PRKN: variants seen among roughly 807,000 people sequenced by gnomAD.
PRKN encodes parkin RBR E3 ubiquitin protein ligase, also known as E3 ubiquitin-protein ligase parkin.
Under a neutral mutation model 59.5 loss-of-function variants are expected in PRKN, and 56 were observed. That is an observed-to-expected ratio of 0.94 (90% confidence interval 0.76 to 1.18). The LOEUF is 1.18. PRKN is among the 50% of genes most tolerant of loss of function. PRKN has a pLI of 0.00. For synonymous variants in PRKN, 250 were observed against 222.1 expected, an observed-to-expected ratio of 1.13 and a Z score of -1.12; for missense variants, 657 against 596.4, an observed-to-expected ratio of 1.10 and a Z score of -1.06.
At chr6:161,937,256 A>G (rs949278646) in intron 6 of PRKN, among the ~76,000 whole-genome samples, 1 of 152,236 alleles carries the variant, frequency 6.6e-6, no homozygotes, top group Non-Finnish European at 1.5e-5. Context: ...GATTATGTTG[A>G]GAAATAAAGT....
At chr6:161,874,633 AATAT>A (rs1262249934) in intron 6 of PRKN, among the ~76,000 whole-genome samples, 1 of 19,296 alleles carries the variant, frequency 5.2e-5, no homozygotes, top group African/African-American at 2.3e-4. Context: ...GTAATATATA[AATAT>A]ATATTACATA....
At position 161,744,484 on chromosome 6, in the gene PRKN, A is replaced by G. The variant is rs2128192468; in HGVS notation, c.871+41288T>C. On this transcript the variant is annotated intron_variant, in intron 7 of 11. Transcript: ENST00000366898. Reference sequence around the variant, plus strand: ...CTCCTGCTGTGCGGGCTGGTTCCCAACAGGCCATGAACCAGCACCGGTTGC... The same window carrying G: ...CTCCTGCTGTGCGGGCTGGTTCCCAGCAGGCCATGAACCAGCACCGGTTGC... Among the ~76,000 whole-genome samples the G allele has an allele frequency of 2.0e-5, 3 of 152,252 alleles. 1 individual carries two copies. In the East Asian group the frequency reaches 5.8e-4, roughly 29 times the overall value.
chr6:162,290,900 T>C (rs1315148192), intron 2 of PRKN, among the ~76,000 whole-genome samples: 1 of 152,200 alleles, frequency 6.6e-6, no homozygotes, highest in Non-Finnish European at 1.5e-5. Context: ...ATGAACATAA[T>C]GCTAGTCTGA....
intron 6 of PRKN, among the ~76,000 whole-genome samples, chr6:161,863,289 T>C (rs1793980525): frequency 6.6e-6 from 1 of 151,914 alleles, no homozygotes; most frequent in Admixed American, 6.6e-5. Flanking sequence ...TTCCCTTGAC[T>C]TTGTAAAAAA....
chr6:161,682,188 C>G (rs1186565042), intron 7 of PRKN, among the ~76,000 whole-genome samples: 1 of 152,214 alleles, frequency 6.6e-6, no homozygotes, highest in Non-Finnish European at 1.5e-5. Flanking sequence ...GGCAGCTCCA[C>G]TGGGCATGGC....
rs541495201 is a variant in PRKN at position 161,836,653 on chromosome 6, A to G, written c.735-50745T>C. 4.6e-5 allele frequency among the ~76,000 whole-genome samples: 7 copies of G among 152,256 alleles called. No homozygotes were observed. The South Asian group carries it at 1.5e-3, about 32-fold the overall frequency. ...TCTCCAGGATTTCTCCACGGAGAAAAACCTAAGAGTAAGTTCATCAAAATG... is the reference window on the plus strand; with the variant it reads ...TCTCCAGGATTTCTCCACGGAGAAAGACCTAAGAGTAAGTTCATCAAAATG... On this transcript the variant is annotated intron_variant, in intron 6 of 11. Coordinates refer to ENST00000366898, the MANE Select transcript of PRKN (RefSeq NM_004562.3).
chr6:161,981,981 T>A (rs1781274755), intron 5 of PRKN, among the ~76,000 whole-genome samples: 1 of 152,200 alleles, frequency 6.6e-6, no homozygotes, highest in Admixed American at 6.5e-5. Context: ...GTCACAACTT[T>A]GCTGAGAAGG....
rs773618878 is a variant in PRKN at position 161,532,141 on chromosome 6, ACT to A, written c.1083+16711_1083+16712del. On this transcript the variant is annotated intron_variant, in intron 9 of 11. Coordinates refer to ENST00000366898, the MANE Select transcript of PRKN (RefSeq NM_004562.3). ...TCTATCCATCCTATCTCTGTCTTGC[ACT>A]CTCTCTCTCTCTCTCTCTCTCTCTA... Among the ~76,000 whole-genome samples the A allele has an allele frequency of 6.2e-3, 829 of 134,408 alleles. 8 individuals are homozygous for A. The highest frequency in any genetic ancestry group is 0.038 in the East Asian group (173 of 4,578). The allele number at this position is 134,408 out of a possible 152,430, so 88.2% of individuals were successfully genotyped here.
At position 161,946,414 on chromosome 6, in the gene PRKN, A is replaced by ACACACACACTCT. The variant is rs1247187053; in HGVS notation, c.734+26887_734+26888insAGAGTGTGTGTG. The stretch of plus-strand genomic sequence containing the variant: ...CACACACACACACACACACACACAC[A>ACACACACACTCT]CTCTCTCTCTCTCTCTCTCTCTCTC... On this transcript the variant is annotated intron_variant, in intron 6 of 11. Coordinates refer to ENST00000366898, the MANE Select transcript of PRKN (RefSeq NM_004562.3). Among the ~76,000 whole-genome samples the ACACACACACTCT allele has an allele frequency of 2.3e-3, 260 of 114,420 alleles. 1 individual carries two copies. The highest frequency in any genetic ancestry group is 8.2e-3 in the African/African-American group (221 of 27,062). 75.1% of individuals were successfully genotyped at this position (114,420 alleles called of 152,430 possible).
At chr6:161,789,699 C>T (rs1790562923) in intron 6 of PRKN, among the ~76,000 whole-genome samples, 1 of 152,198 alleles carries the variant, frequency 6.6e-6, no homozygotes, top group African/African-American at 2.4e-5. Flanking sequence ...TATACTCCTT[C>T]CTTAGCTATC....
intron 1 of PRKN, among the ~76,000 whole-genome samples, chr6:162,634,388 C>T (rs1157279581): frequency 6.6e-6 from 1 of 152,124 alleles, no homozygotes; most frequent in African/African-American, 2.4e-5. Context: ...CCAGTGCTTT[C>T]TCCAAGGCAC....
intron 4 of PRKN, among the ~76,000 whole-genome samples, chr6:162,066,696 C>G (rs898259164): frequency 6.6e-6 from 1 of 152,118 alleles, no homozygotes; most frequent in Non-Finnish European, 1.5e-5. Flanking sequence ...CCTGCTGGGG[C>G]CTTGATCCAG....
intron 9 of PRKN, among the ~76,000 whole-genome samples, chr6:161,506,648 G>T (rs1778182971): frequency 6.6e-6 from 1 of 152,236 alleles, no homozygotes; most frequent in South Asian, 2.1e-4. Flanking sequence ...GGATGATGCA[G>T]GTGGGTGGGG....
chr6:162,089,077 C>A (rs867646319), intron 4 of PRKN, among the ~76,000 whole-genome samples: 1 of 152,104 alleles, frequency 6.6e-6, no homozygotes, highest in African/African-American at 2.4e-5. Context: ...AACTTTTGTT[C>A]TTCAAAGAAC....
chr6:162,514,434 G>A (rs868739451), intron 1 of PRKN, among the ~76,000 whole-genome samples: 1 of 152,142 alleles, frequency 6.6e-6, no homozygotes, highest in Non-Finnish European at 1.5e-5. Context: ...CAATGCATCC[G>A]TTCCTTCCAG....
At chr6:162,284,685 T>C (rs1781101391) in intron 2 of PRKN, among the ~76,000 whole-genome samples, 1 of 152,198 alleles carries the variant, frequency 6.6e-6, no homozygotes, top group Non-Finnish European at 1.5e-5. Context: ...ATTGGACAAC[T>C]CAGGTCCTCC....
At chr6:162,501,924 C>G (rs1359942524) in intron 1 of PRKN, among the ~76,000 whole-genome samples, 1 of 151,986 alleles carries the variant, frequency 6.6e-6, no homozygotes, top group Non-Finnish European at 1.5e-5. Flanking sequence ...GAAGGAGACA[C>G]ATGATATATT....
At chr6:161,616,626 T>C (rs1160789040) in intron 7 of PRKN, among the ~76,000 whole-genome samples, 2 of 151,974 alleles carry the variant, frequency 1.3e-5, no homozygotes, top group African/African-American at 4.8e-5. Flanking sequence ...ATGTTCTCAC[T>C]GTTCAACTCC....
In PRKN at chr6:161,352,184, A is replaced by G. The variant is rs936988746; in HGVS notation, c.1286-1973T>C. ...TCTTGTTAATTGATTTTTCCTGCCA[A>G]ATTTTCCAAGTAATTGGTTCGGTGC... On this transcript the variant is annotated intron_variant, in intron 11 of 11. Transcript: ENST00000366898. The surrounding 1 kb of genome is among the most constrained non-coding windows in gnomAD (Gnocchi z 5.8). Among the ~76,000 whole-genome samples the G allele has an allele frequency of 6.6e-6, 1 of 152,110 alleles. No homozygotes were observed. Among genetic ancestry groups the G allele is most frequent in the African/African-American group, 2.4e-5 (1 of 41,414 alleles).
Sources: gnomAD v4.1 joint callset for allele counts (sites outside exome capture counted in the v4.1 genomes callset) on GRCh38, gnomAD v4.1.1 for gene constraint, Gnocchi (gnomAD v3.1) non-coding constraint, MANE v1.5 for transcripts, NCBI Gene and HGNC (gene_info 2026-07-23, HGNC 2026-07-21) for gene names.